The following EPB41L4A variants were observed in gnomAD, a reference collection of about 807,000 sequenced individuals.
EPB41L4A encodes the protein band 4.1-like protein 4A.
EPB41L4A carries 100 observed loss-of-function variants against 108.6 expected under a neutral mutation model. The observed-to-expected ratio is 0.92, with a 90% CI of 0.78 to 1.09. The LOEUF (loss-of-function observed/expected upper bound fraction) is 1.09. Among genes scored for constraint, EPB41L4A ranks in the 50% least tolerant of loss-of-function variants. The pLI is 0.00. For missense variants in EPB41L4A, 1,030 were observed against 842.7 expected (o/e 1.22, Z -2.75); for synonymous variants, 319 against 289.0 (o/e 1.10, Z -1.05).
chr5:112,227,543 A>C (rs924018716), intron 12 of EPB41L4A, among the ~76,000 whole-genome samples: 8 of 152,162 alleles, frequency 5.3e-5, no homozygotes, highest in African/African-American at 1.9e-4. Context: ...GTGACTTTAT[A>C]ATATTACATG....
chr5:112,391,909 G>A (rs993068893), intron 1 of EPB41L4A, among the ~76,000 whole-genome samples: 1 of 152,110 alleles, frequency 6.6e-6, no homozygotes. Flanking sequence ...GAAGAGAGTG[G>A]GGGCCAGTAT....
intron 6 of EPB41L4A, among the ~76,000 whole-genome samples, chr5:112,263,214 A>ATAT (rs1751616026): frequency 6.6e-6 from 1 of 152,210 alleles, no homozygotes; most frequent in Non-Finnish European, 1.5e-5. Flanking sequence ...TCTGCACAGA[A>ATAT]GAGTTAAATA....
downstream of EPB41L4A, chr5:112,142,404 A>G (rs1759101389): frequency 6.6e-6 from 1 of 152,250 alleles, no homozygotes; most frequent in African/African-American, 2.4e-5. Context: ...CTTCTAAAAT[A>G]GCATCTGGTA....
chr5:112,330,393 C>T (rs1756486185), intron 1 of EPB41L4A, among the ~76,000 whole-genome samples: 1 of 152,008 alleles, frequency 6.6e-6, no homozygotes, highest in Non-Finnish European at 1.5e-5. Context: ...CAATAGGATA[C>T]ATTTTGGTAA....
At chr5:112,386,756 G>C (rs923291991) in intron 1 of EPB41L4A, among the ~76,000 whole-genome samples, 81 of 152,230 alleles carry the variant, frequency 5.3e-4, no homozygotes, top group Non-Finnish European at 5.9e-5. Context: ...CTGGATATTA[G>C]AGTAAAGAAA....
chr5:112,364,618 G>C (rs1759006760), intron 1 of EPB41L4A, among the ~76,000 whole-genome samples: 1 of 152,176 alleles, frequency 6.6e-6, no homozygotes. Flanking sequence ...TCATGCTATA[G>C]TTAAGCATTT....
rs145715642 is a variant in EPB41L4A at position 112,270,724 on chromosome 5, T to C, written c.336-4394A>G. 3.5e-3 allele frequency among the ~76,000 whole-genome samples: 528 copies of C among 152,206 alleles called. 3 individuals are homozygous for C. Among genetic ancestry groups the C allele is most frequent in the African/African-American group, 0.012 (509 of 41,528 alleles). ...GAGACAGGGACTCAGGAAGTAAGCA[T>C]AGGACTGAAGGTCACACAGGAAGTG... On this transcript the variant is annotated intron_variant, in intron 4 of 22. Transcript: ENST00000261486.
At chr5:112,226,909 A>G (rs1236089088) in intron 12 of EPB41L4A, among the ~76,000 whole-genome samples, 1 of 151,674 alleles carries the variant, frequency 6.6e-6, no homozygotes, top group Non-Finnish European at 1.5e-5. Flanking sequence ...CAATGTGAAT[A>G]TATTTAATAC....
chr5:112,394,628 A>C (rs1237401220), intron 1 of EPB41L4A, among the ~76,000 whole-genome samples: 2 of 152,166 alleles, frequency 1.3e-5, no homozygotes, highest in Non-Finnish European at 2.9e-5. Context: ...ATGCTCATGG[A>C]TAGGAAGAAT....
At chr5:112,317,930 G>A (rs1214941376) in intron 1 of EPB41L4A, among the ~76,000 whole-genome samples, 1 of 152,126 alleles carries the variant, frequency 6.6e-6, no homozygotes, top group Non-Finnish European at 1.5e-5. Context: ...TAGAGTGTAA[G>A]GGGCTCCTAA....
intron 1 of EPB41L4A, among the ~76,000 whole-genome samples, chr5:112,354,702 T>C (rs940650441): frequency 1.3e-5 from 2 of 152,234 alleles, no homozygotes; most frequent in Non-Finnish European, 2.9e-5. Context: ...GAAAATAGCA[T>C]TTTTGAATCT....
intron 4 of EPB41L4A, among the ~76,000 whole-genome samples, chr5:112,267,256 C>A (rs927988900): frequency 6.6e-6 from 1 of 152,026 alleles, no homozygotes; most frequent in Admixed American, 6.5e-5. Flanking sequence ...CCTTTTGTGA[C>A]TTCTGTTTTG....
intron 1 of EPB41L4A, among the ~76,000 whole-genome samples, chr5:112,382,476 G>A (rs1270702266): frequency 6.6e-6 from 1 of 152,232 alleles, no homozygotes; most frequent in Non-Finnish European, 1.5e-5. Flanking sequence ...TCCTGCATGT[G>A]TGAGTCAAGC....
intron 12 of EPB41L4A, among the ~76,000 whole-genome samples, chr5:112,216,038 C>T (rs1481582568): frequency 6.6e-6 from 1 of 152,192 alleles, no homozygotes. Flanking sequence ...TATCCAAATA[C>T]TTCCATCCTG....
Position 112,419,260 on chromosome 5 carries a change from G to A in EPB41L4A, c.-221C>T, listed in dbSNP as rs1020636398. The A allele has an allele frequency of 5.8e-5, 23 of 397,620 alleles. No individual in the cohort carries two copies. Among genetic ancestry groups the A allele is most frequent in the African/African-American group, 2.8e-4 (13 of 46,270 alleles). The allele number at this position is 397,620 out of a possible 1,614,324, so 24.6% of individuals were successfully genotyped here. A position where few individuals can be genotyped will look rare whatever the true frequency, so the allele number is the denominator to read the frequency against. ...AGAGTCAGCGCCCGGGAGCCGCCGG[G>A]GAAGCGCCGGCGGAACTGGGCGCGG... On this transcript the variant is annotated 5_prime_UTR_variant, in exon 1 of 23. Transcript: ENST00000261486.
chr5:112,304,460 T>C (rs1937607112), intron 2 of EPB41L4A, among the ~76,000 whole-genome samples: 1 of 152,032 alleles, frequency 6.6e-6, no homozygotes, highest in African/African-American at 2.4e-5. Context: ...CAAGCCAGAG[T>C]GGAACAGAAA....
chr5:112,384,874 T>C (rs990026656), intron 1 of EPB41L4A, among the ~76,000 whole-genome samples: 2 of 152,184 alleles, frequency 1.3e-5, no homozygotes, highest in African/African-American at 2.4e-5. Flanking sequence ...CATAATTTTT[T>C]TCCTAGGCCT....
At chr5:112,324,000 C>T (rs1028088573) in intron 1 of EPB41L4A, among the ~76,000 whole-genome samples, 1 of 152,120 alleles carries the variant, frequency 6.6e-6, no homozygotes, top group Non-Finnish European at 1.5e-5. Context: ...TTTCAACATG[C>T]AAGAACTTAG....
At chr5:112,400,483 T>C (rs1761672035) in intron 1 of EPB41L4A, among the ~76,000 whole-genome samples, 1 of 152,094 alleles carries the variant, frequency 6.6e-6, no homozygotes, top group South Asian at 2.1e-4. Context: ...CAGAGAGCTT[T>C]TACTGATGGT....
Sources: allele counts gnomAD v4.1 joint callset (sites outside exome capture counted in the v4.1 genomes callset), GRCh38; gene constraint gnomAD v4.1.1; transcripts MANE v1.5; gene names NCBI Gene and HGNC (gene_info 2026-07-23, HGNC 2026-07-21).